The following CTNNA3 variants were observed in gnomAD, a reference collection of about 807,000 sequenced individuals.
CTNNA3 encodes the protein catenin alpha-3.
Under a neutral mutation model 95.7 loss-of-function variants are expected in CTNNA3, and 76 were observed. The observed-to-expected ratio is 0.79, with a 90% confidence interval of 0.66 to 0.96. The LOEUF is 0.96. Among genes scored for constraint, CTNNA3 ranks in the 40% least tolerant of loss-of-function variants. The pLI, the probability that CTNNA3 is intolerant of heterozygous loss-of-function variation, is 0.00. For missense variants in CTNNA3, 1,191 were observed against 1,089.8 expected, an observed-to-expected ratio of 1.09 and a Z score of -1.31; for synonymous variants, 431 against 374.4, an observed-to-expected ratio of 1.15 and a Z score of -1.74.
chr10:66,339,421 A>G (rs2092430159), intron 12 of CTNNA3, among the ~76,000 whole-genome samples: 1 of 151,896 alleles, frequency 6.6e-6, no homozygotes, highest in Admixed American at 6.6e-5. Context: ...GAAATCTTTC[A>G]TAAATCAGCA....
rs1199421607 is a variant in CTNNA3, at chr10:67,665,248, G to GT, written c.-5-17731dup. ...GCCTGAGTTGTGAAAGAAAAAATGT[G>GT]TAAGAGAACCACATTTTTATCTAAA... On this transcript the variant is annotated intron_variant, in intron 1 of 17. Coordinates refer to ENST00000433211, the MANE Select transcript of CTNNA3 (RefSeq NM_013266.4). Among the ~76,000 whole-genome samples, 7 of 152,196 alleles carry GT rather than the reference G, an allele frequency of 4.6e-5. 1 individual carries two copies. The East Asian group carries it at 9.7e-4, about 21-fold the overall frequency.
chr10:66,436,974 T>G (rs1014872958), intron 11 of CTNNA3, among the ~76,000 whole-genome samples: 16 of 152,168 alleles, frequency 1.1e-4, no homozygotes, highest in Non-Finnish European at 4.4e-5. Flanking sequence ...TAAAAAATTT[T>G]GGGTTGAAAA....
At chr10:67,569,498 T>C (rs1203247787) in intron 3 of CTNNA3, among the ~76,000 whole-genome samples, 1 of 152,132 alleles carries the variant, frequency 6.6e-6, no homozygotes, top group Non-Finnish European at 1.5e-5. Context: ...TCCTAGAAAC[T>C]AAAATGTGGC....
At chr10:66,119,370 G>T (rs1019507791) in intron 13 of CTNNA3, among the ~76,000 whole-genome samples, 2 of 152,092 alleles carry the variant, frequency 1.3e-5, no homozygotes, top group African/African-American at 4.8e-5. Context: ...GTTCAGTTTG[G>T]TTTGTTTTGC....
At chr10:67,412,334 G>T (rs1329361879) in intron 5 of CTNNA3, among the ~76,000 whole-genome samples, 1 of 151,986 alleles carries the variant, frequency 6.6e-6, no homozygotes, top group Non-Finnish European at 1.5e-5. Flanking sequence ...AAAGAAAAAT[G>T]AACAAAACAT....
At chr10:67,762,195 AAAAAAAAAG>A (rs1392682069) in intron 1 of CTNNA3, among the ~76,000 whole-genome samples, 3 of 130,938 alleles carry the variant, frequency 2.3e-5, no homozygotes, top group Non-Finnish European at 5.2e-5. Flanking sequence ...CAAAAAAAAA[AAAAAAAAAG>A]ATTATTTCAC....
intron 6 of CTNNA3, among the ~76,000 whole-genome samples, chr10:67,199,091 G>A (rs1863514259): frequency 6.6e-6 from 1 of 151,804 alleles, no homozygotes; most frequent in Non-Finnish European, 1.5e-5. Flanking sequence ...GAGTTGAGAA[G>A]GGGACTGACA....
intron 5 of CTNNA3, among the ~76,000 whole-genome samples, chr10:67,479,738 A>C (rs907002972): frequency 1.3e-5 from 2 of 152,180 alleles, no homozygotes; most frequent in African/African-American, 4.8e-5. Context: ...AACCAAAATC[A>C]AAGCAGAACT....
chr10:67,383,408 G>T (rs759185900), intron 5 of CTNNA3, among the ~76,000 whole-genome samples: 12 of 152,116 alleles, frequency 7.9e-5, no homozygotes, highest in Non-Finnish European at 1.3e-4. Flanking sequence ...TTACAGCTGA[G>T]GAAACTAAAG....
intron 11 of CTNNA3, among the ~76,000 whole-genome samples, chr10:66,443,980 G>C (rs2093396752): frequency 6.6e-6 from 1 of 152,080 alleles, no homozygotes; most frequent in Non-Finnish European, 1.5e-5. Flanking sequence ...AGTCCTTAAA[G>C]GAGCTGATGG....
chr10:66,690,481 C>A (rs1318251742), intron 9 of CTNNA3, among the ~76,000 whole-genome samples: 1 of 150,972 alleles, frequency 6.6e-6, no homozygotes. Context: ...CCCCGTCCCC[C>A]CACCCCACAA....
At chr10:66,929,178 T>C (rs372398013) in intron 7 of CTNNA3, among the ~76,000 whole-genome samples, 1 of 152,238 alleles carries the variant, frequency 6.6e-6, no homozygotes, top group African/African-American at 2.4e-5. Flanking sequence ...AACCCATCTC[T>C]GTAAAATCAG....
intron 13 of CTNNA3, among the ~76,000 whole-genome samples, chr10:66,233,309 C>A (rs1359232926): frequency 6.6e-6 from 1 of 151,534 alleles, no homozygotes; most frequent in Non-Finnish European, 1.5e-5. Context: ...AATCACTAAC[C>A]ATAAAGGGAA....
intron 7 of CTNNA3, among the ~76,000 whole-genome samples, chr10:67,165,553 C>G (rs1337239234): frequency 1.3e-5 from 2 of 152,166 alleles, no homozygotes; most frequent in African/African-American, 2.4e-5. Flanking sequence ...TATAGTTACA[C>G]ATGATGCAAC....
At chr10:67,358,085 CA>C (rs995264704) in intron 5 of CTNNA3, among the ~76,000 whole-genome samples, 2 of 150,302 alleles carry the variant, frequency 1.3e-5, no homozygotes, top group Admixed American at 1.3e-4. Flanking sequence ...TAACCATATG[CA>C]AAAAAAAATC....
chr10:67,560,059 C>T (rs1841440332), intron 3 of CTNNA3, among the ~76,000 whole-genome samples: 1 of 152,164 alleles, frequency 6.6e-6, no homozygotes. Context: ...TTGGAAAACA[C>T]TCTGCAGGAT....
chr10:67,163,919 A>C (rs1861653908), intron 7 of CTNNA3, among the ~76,000 whole-genome samples: 1 of 152,032 alleles, frequency 6.6e-6, no homozygotes, highest in Non-Finnish European at 1.5e-5. Flanking sequence ...TATAAGTCTA[A>C]TAAAACGTGT....
intron 15 of CTNNA3, among the ~76,000 whole-genome samples, chr10:66,028,909 AAAAC>A (rs1174777150): frequency 6.6e-6 from 1 of 152,146 alleles, no homozygotes; most frequent in South Asian, 2.1e-4. Flanking sequence ...AGTGGGGAAA[AAAAC>A]AAACAGTGAA....
chr10:66,363,322 C>T (rs2092689907), intron 12 of CTNNA3, among the ~76,000 whole-genome samples: 1 of 152,110 alleles, frequency 6.6e-6, no homozygotes, highest in Non-Finnish European at 1.5e-5. Flanking sequence ...GGAGATGGGG[C>T]CTTTGAGAGG....
Sources: allele counts gnomAD v4.1 joint callset (sites outside exome capture counted in the v4.1 genomes callset), GRCh38; gene constraint gnomAD v4.1.1; transcripts MANE v1.5; gene names NCBI Gene and HGNC (gene_info 2026-07-23, HGNC 2026-07-21).